The following USP2 variants were observed in gnomAD, a reference collection of about 807,000 sequenced individuals.
The protein encoded by USP2 is ubiquitin carboxyl-terminal hydrolase 2.
A neutral mutation model predicts 72.0 loss-of-function variants in USP2; 33 were observed. That is an observed-to-expected ratio of 0.46 (90% CI 0.35 to 0.61). USP2 has a LOEUF of 0.61. USP2 is among the 20% of genes least tolerant of loss of function. The pLI is 0.01. For synonymous variants in USP2, 296 were observed against 312.5 expected (o/e 0.95, Z 0.56); for missense variants, 691 against 797.8 (o/e 0.87, Z 1.61).
In USP2 at chr11:119,358,256, G is replaced by A. The variant is rs533993709; in HGVS notation, c.1238-4C>T. 6.2e-6 allele frequency: 10 copies of A among 1,612,480 alleles called. No homozygotes were observed. In the Admixed American group the frequency reaches 6.7e-5, roughly 11 times the overall value. ...TTTAGCTGCCCAACAAAGAGATCTG[G>A]GGAAGAGAAGGCCATGAGATGCTGA... is the stretch of plus-strand genomic sequence containing the variant. On this transcript the variant is annotated splice_region_variant and splice_polypyrimidine_tract_variant and intron_variant, in intron 7 of 12. Transcript: ENST00000260187.
chr11:119,359,031 G>A lies in USP2; in HGVS notation c.1165C>T (p.His389Tyr). The change falls in exon 6 of 13, where the codon CAT becomes TAT. Residue 389 changes from histidine to tyrosine, a missense_variant. Physicochemically the swap from His to Tyr is moderately conservative, Grantham distance 83. Transcript: ENST00000260187. ...CATTCTCCTCTTACTTACGGAAGAT[G>A]ATCGAGGTTCTCAGGGTTGGACTTA... ...RPKSNPENLD[H>Y]LPDDEKGRQM... 1 of 1,614,002 alleles carries A rather than the reference G, an allele frequency of 6.2e-7. No homozygotes were observed. The highest frequency in any genetic ancestry group is 1.1e-5 in the South Asian group (1 of 91,068).
At position 119,364,081 on chromosome 11, in the gene USP2, G is replaced by A. The variant is rs984459336; in HGVS notation, c.775-3847C>T. ...GAGTCCCCGCGCGGTGCCACAGTCC[G>A]GACGCCGAGGCCGGCGAGACCGCTA... On this transcript the variant is annotated intron_variant, in intron 2 of 12. Transcript: ENST00000260187. 31 of 1,261,526 alleles carry A rather than the reference G, an allele frequency of 2.5e-5. No individual in the cohort carries two copies. The Admixed American group carries it at 2.9e-4, about 12-fold the overall frequency. 78.1% of individuals were successfully genotyped at this position (1,261,526 alleles called of 1,614,324 possible). A position where few individuals can be genotyped will look rare whatever the true frequency, so the allele number is the denominator to read the frequency against.
Position 119,356,913 on chromosome 11 carries a change from G to A in USP2, c.1740C>T (p.Pro580=), listed in dbSNP as rs1409506530. 1.9e-6 allele frequency: 3 copies of A among 1,560,138 alleles called. No homozygotes were observed. The highest frequency in any genetic ancestry group is 2.4e-5 in the South Asian group (2 of 84,776). ...WHTFNDSSVT[P]MSSSQVRTSD... is the part of the protein sequence containing the mutation. The stretch of plus-strand genomic sequence containing the variant: ...TGGTGCGCACTTGGCTGGAGGACAT[G>A]GGAGTGACGCTGCGGAGAGAGCGGG... Residue 580 remains proline, a synonymous_variant, in exon 13 of 13, where the codon CCC becomes CCT. Transcript: ENST00000260187.
intron 1 of USP2, chr11:119,376,172 C>T (rs1197054177): frequency 2.0e-6 from 2 of 985,668 alleles, no homozygotes; most frequent in Non-Finnish European, 2.4e-6. Context: ...CTCAAAGGTC[C>T]TAGCACCTTC....
At chr11:119,359,497 T>C in intron 4 of USP2, 40 bp downstream of exon 4, 1 of 1,611,534 alleles carries the variant, frequency 6.2e-7, no homozygotes, top group South Asian at 1.1e-5. Flanking sequence ...TGGAGGAGCA[T>C]CCGGGGGTAG....
At position 119,374,851 on chromosome 11, in the gene USP2, G is replaced by A. The variant is rs564167292; in HGVS notation, c.-41-1330C>T. 6.2e-4 allele frequency among the ~76,000 whole-genome samples: 94 copies of A among 152,236 alleles called. 1 individual carries two copies. Among genetic ancestry groups the A allele is most frequent in the South Asian group, 2.1e-3 (10 of 4,820 alleles). ...AGCTGGGTGATTTTGCACTAGTCAC[G>A]TAACCTCTCTGAGCCCCAACTTCCT... On this transcript the variant is annotated intron_variant, in intron 1 of 12. Transcript: ENST00000260187.
rs1950730714 is a variant in USP2 at position 119,359,601 on chromosome 11, G to A, written c.885C>T (p.Cys295=). 6.2e-7 allele frequency: 1 copy of A among 1,613,876 alleles called. No individual in the cohort carries two copies. The highest frequency in any genetic ancestry group is 8.5e-7 in the Non-Finnish European group (1 of 1,180,022). ...LSNTRELRDY[C]LQRLYMRDLH... ...GGTCCCGCATGTAGAGCCTCTGGAG[G>A]CAGTAATCTCTCAACTCCCGAGTGT... is the stretch of plus-strand genomic sequence containing the variant. The change falls in exon 4 of 13, where the codon TGC becomes TGT. Residue 295 remains cysteine (C), a synonymous_variant. Coordinates refer to ENST00000260187, the MANE Select transcript of USP2 (RefSeq NM_004205.5).
At chr11:119,378,574 G>A (rs1951028286) in intron 1 of USP2, among the ~76,000 whole-genome samples, 1 of 152,126 alleles carries the variant, frequency 6.6e-6, no homozygotes. Flanking sequence ...GAGGGGAGGA[G>A]GTAAGATAAA....
intron 2 of USP2, among the ~76,000 whole-genome samples, chr11:119,370,927 G>C (rs753242472): frequency 6.6e-5 from 10 of 152,210 alleles, no homozygotes; most frequent in Non-Finnish European, 1.3e-4. Context: ...GTTGGGCCAT[G>C]CCTGTGTGGG....
chr11:119,375,287 G>A (rs1288362069), intron 1 of USP2, among the ~76,000 whole-genome samples: 3 of 152,252 alleles, frequency 2.0e-5, no homozygotes, highest in African/African-American at 7.2e-5. Flanking sequence ...GGTAGGTACA[G>A]GGGTGAGAGA....
At position 119,376,310 on chromosome 11, in the gene USP2, A is replaced by G. The variant is rs567202139; in HGVS notation, c.-41-2789T>C. ...TGGCCGGAGTCTCGCTGCGCAAGAC[A>G]GGGACAGGACGGGCACTCACGTGGC... On this transcript the variant is annotated intron_variant, in intron 1 of 12. Coordinates refer to ENST00000260187, the MANE Select transcript of USP2 (RefSeq NM_004205.5). 4 of 985,700 alleles carry G rather than the reference A, an allele frequency of 4.1e-6. No individual in the cohort carries two copies. In the African/African-American group the frequency reaches 7.0e-5, roughly 17 times the overall value. The allele number at this position is 985,700 out of a possible 1,614,324, so 61.1% of individuals were successfully genotyped here.
chr11:119,363,824 G>A, intron 2 of USP2: 1 of 1,386,984 alleles, frequency 7.2e-7, no homozygotes, highest in East Asian at 3.1e-5. Flanking sequence ...CTCGGCGCGG[G>A]GGTCCCGGAA....
At chr11:119,364,361 C>G (rs908987354) in intron 2 of USP2, among the ~76,000 whole-genome samples, 1 of 152,008 alleles carries the variant, frequency 6.6e-6, no homozygotes, top group Non-Finnish European at 1.5e-5. Flanking sequence ...CCGGGCCTTC[C>G]CCGCGCTCCC....
chr11:119,379,374 GGGGT>G, intron 1 of USP2: 1 of 733,646 alleles, frequency 1.4e-6, no homozygotes, highest in Non-Finnish European at 1.7e-6. Flanking sequence ...CAGAGGGGTG[GGGGT>G]GGAACTTGAG....
At chr11:119,358,965 G>C in intron 6 of USP2, 59 bp downstream of exon 6, 2 of 1,590,124 alleles carry the variant, frequency 1.3e-6, no homozygotes, top group Non-Finnish European at 1.7e-6. Flanking sequence ...CAAAGTGGTG[G>C]GTAAAAATCT....
intron 2 of USP2, chr11:119,364,010 G>A: frequency 8.1e-6 from 10 of 1,234,328 alleles, no homozygotes; most frequent in Non-Finnish European, 1.0e-5. Context: ...GGGGGCGGGC[G>A]GCGGGCTTTG....
At chr11:119,360,880 T>C (rs960829755) in intron 2 of USP2, among the ~76,000 whole-genome samples, 75 of 152,226 alleles carry the variant, frequency 4.9e-4, no homozygotes, top group Non-Finnish European at 2.4e-4. Context: ...ACATATTGAC[T>C]CCTTACTATA....
At chr11:119,377,859 G>C (rs988455510) in intron 1 of USP2, among the ~76,000 whole-genome samples, 8 of 152,170 alleles carry the variant, frequency 5.3e-5, no homozygotes, top group Non-Finnish European at 1.2e-4. Flanking sequence ...CTGGCCCTGG[G>C]GGCAGGGGAT....
chr11:119,356,918 T>C lies in USP2; in HGVS notation c.1735A>G (p.Thr579Ala). 3.2e-6 allele frequency: 5 copies of C among 1,558,314 alleles called. No homozygotes were observed. The highest frequency in any genetic ancestry group is 4.3e-6 in the Non-Finnish European group (5 of 1,151,714). The change falls in exon 13 of 13, where the codon ACT becomes GCT. Residue 579 changes from threonine to alanine, a missense_variant. By Grantham distance (58) the Thr-to-Ala change is moderately conservative (BLOSUM62 0). Transcript: ENST00000260187. Reference protein sequence around the residue: ...EWHTFNDSSVTPMSSSQVRTS... With the variant: ...EWHTFNDSSVAPMSSSQVRTS... The stretch of plus-strand genomic sequence containing the variant: ...CGCACTTGGCTGGAGGACATGGGAG[T>C]GACGCTGCGGAGAGAGCGGGGAGTC...
Sources: gnomAD v4.1 joint callset for allele counts (sites outside exome capture counted in the v4.1 genomes callset) on GRCh38, gnomAD v4.1.1 for gene constraint, MANE v1.5 for transcripts, NCBI Gene and HGNC (gene_info 2026-07-23, HGNC 2026-07-21) for gene names.